DCT: variants seen among roughly 807,000 people sequenced by gnomAD.
The protein encoded by DCT is dopachrome tautomerase.
Under a neutral mutation model 53.0 loss-of-function variants are expected in DCT, and 47 were observed. The ratio of observed to expected loss-of-function variants is 0.89; its 90% CI spans 0.70 to 1.13. DCT has a LOEUF of 1.13. DCT is among the 50% of genes most tolerant of loss of function. The pLI is 0.00. For synonymous variants in DCT, 244 were observed against 237.0 expected, an observed-to-expected ratio of 1.03 and a Z score of -0.27; for missense variants, 669 against 637.4, an observed-to-expected ratio of 1.05 and a Z score of -0.53.
the DCT span, among the ~76,000 whole-genome samples, chr13:94,538,877 A>G: frequency 1.3e-5 from 2 of 152,078 alleles, no homozygotes; most frequent in Non-Finnish European, 2.9e-5. Flanking sequence ...GTCTGTTTCT[A>G]TCTGTGCGGT....
At chr13:94,512,652 G>A in the DCT span, among the ~76,000 whole-genome samples, 1 of 151,992 alleles carries the variant, frequency 6.6e-6, no homozygotes, top group Non-Finnish European at 1.5e-5. Context: ...ATCCCTGTTA[G>A]TTCATCAATT....
chr13:94,514,331 T>C, the DCT span, among the ~76,000 whole-genome samples: 1 of 152,172 alleles, frequency 6.6e-6, no homozygotes, highest in Non-Finnish European at 1.5e-5. Context: ...TGGGCATCAA[T>C]GGGGTTCACT....
At chr13:94,477,890 G>A (rs1885199750) in intron 1 of DCT, among the ~76,000 whole-genome samples, 1 of 152,084 alleles carries the variant, frequency 6.6e-6, no homozygotes, top group African/African-American at 2.4e-5. Context: ...TGTGTTTTTT[G>A]TATTTCAGTG....
chr13:94,464,559 G>C (rs966780884), intron 4 of DCT, among the ~76,000 whole-genome samples: 1 of 151,994 alleles, frequency 6.6e-6, no homozygotes, highest in Non-Finnish European at 1.5e-5. Context: ...AGAATTGCTT[G>C]AACCAGGGAG....
chr13:94,512,929 A>G, the DCT span, among the ~76,000 whole-genome samples: 1 of 152,342 alleles, frequency 6.6e-6, no homozygotes, highest in Admixed American at 6.5e-5. Flanking sequence ...AGATTTGAAG[A>G]GGAAGCTGTG....
intron 7 of DCT, among the ~76,000 whole-genome samples, chr13:94,441,614 T>C (rs1882321742): frequency 6.6e-6 from 1 of 152,216 alleles, no homozygotes. Flanking sequence ...TTCTTATGTC[T>C]GGCTTATTAA....
At chr13:94,484,286 C>T (rs1464149195), upstream of DCT, among the ~76,000 whole-genome samples, 1 of 152,194 alleles carries the variant, frequency 6.6e-6, no homozygotes, top group Non-Finnish European at 1.5e-5. Context: ...GCGGGCAAGA[C>T]AGCTGCTCTC....
chr13:94,517,692 T>G, the DCT span, among the ~76,000 whole-genome samples: 1 of 152,062 alleles, frequency 6.6e-6, no homozygotes, highest in Non-Finnish European at 1.5e-5. Context: ...ATCACAAGTG[T>G]CCTTATATGA....
chr13:94,470,085 AAAAG>A (rs1036645930), intron 1 of DCT, among the ~76,000 whole-genome samples: 35 of 152,198 alleles, frequency 2.3e-4, no homozygotes, highest in African/African-American at 7.0e-4. Flanking sequence ...AAAAAGAAAG[AAAAG>A]AAAGAAAGAA....
chr13:94,494,984 CTT>C, the DCT span, among the ~76,000 whole-genome samples: 2 of 152,358 alleles, frequency 1.3e-5, no homozygotes, highest in East Asian at 3.9e-4. Context: ...CAGCTTGTCA[CTT>C]GTATTAATAA....
At chr13:94,487,842 C>G in the DCT span, among the ~76,000 whole-genome samples, 1 of 151,690 alleles carries the variant, frequency 6.6e-6, no homozygotes, top group South Asian at 2.1e-4. Flanking sequence ...GACATCTGTC[C>G]TGATAAGAGT....
chr13:94,452,928 A>T (rs1041889491), intron 6 of DCT, among the ~76,000 whole-genome samples: 1 of 152,168 alleles, frequency 6.6e-6, no homozygotes, highest in Admixed American at 6.5e-5. Flanking sequence ...AAAATTAGAA[A>T]AAAATTGTAT....
chr13:94,443,551 G>A lies in DCT; in HGVS notation c.1266C>T (p.Ala422=), dbSNP rs754063985. The A allele has an allele frequency of 1.9e-6, 3 of 1,613,668 alleles. No individual in the cohort carries two copies. ...TGTACATCCGATTGTGACCAATAGG[G>A]GCCAGCTCCTGAGGCCAGGCATCTG... is the stretch of plus-strand genomic sequence containing the variant. ...PPADAWPQEL[A]PIGHNRMYNM... is the part of the protein sequence containing the mutation. The change falls in exon 7 of 8, where the codon GCC becomes GCT. Residue 422 remains alanine, a synonymous_variant. Coordinates refer to ENST00000377028, the MANE Select transcript of DCT (RefSeq NM_001922.5).
At chr13:94,505,810 T>G in the DCT span, among the ~76,000 whole-genome samples, 1 of 152,238 alleles carries the variant, frequency 6.6e-6, no homozygotes, top group Admixed American at 6.5e-5. Context: ...GAGACCCACG[T>G]GGCAAGAAAT....
intron 1 of DCT, among the ~76,000 whole-genome samples, 192 bp downstream of exon 1, chr13:94,478,769 T>C (rs1885269610): frequency 6.6e-6 from 1 of 152,264 alleles, no homozygotes; most frequent in South Asian, 2.1e-4. Context: ...TCTTCATAAC[T>C]AGATGTACTA....
chr13:94,462,446 G>A (rs1777099198), intron 4 of DCT, among the ~76,000 whole-genome samples: 1 of 151,868 alleles, frequency 6.6e-6, no homozygotes, highest in South Asian at 2.1e-4. Flanking sequence ...GCTGCAGTGA[G>A]CAGAGATCAT....
At chr13:94,447,577 G>A (rs1882815401) in intron 6 of DCT, among the ~76,000 whole-genome samples, 1 of 152,148 alleles carries the variant, frequency 6.6e-6, no homozygotes, top group Non-Finnish European at 1.5e-5. Flanking sequence ...CAACCTTCAG[G>A]ACCAACTAGA....
At chr13:94,529,193 A>G in the DCT span, among the ~76,000 whole-genome samples, 1 of 152,202 alleles carries the variant, frequency 6.6e-6, no homozygotes. Context: ...TAATAATAGG[A>G]GACTTTAACA....
At chr13:94,507,399 C>A in the DCT span, among the ~76,000 whole-genome samples, 1 of 152,160 alleles carries the variant, frequency 6.6e-6, no homozygotes, top group Middle Eastern at 3.4e-3. Context: ...GGTAGCCTTT[C>A]AATCTCACAC....
Sources: gnomAD v4.1 joint callset for allele counts (sites outside exome capture counted in the v4.1 genomes callset) on GRCh38, gnomAD v4.1.1 for gene constraint, MANE v1.5 for transcripts, NCBI Gene and HGNC (gene_info 2026-07-23, HGNC 2026-07-21) for gene names.